Variants in KLF8 observed in about 807,000 individuals in gnomAD.
KLF8 encodes the protein Krueppel-like factor 8.
Under a neutral mutation model 18.2 loss-of-function variants are expected in KLF8, and 10 were observed. That is an observed-to-expected ratio of 0.55 (90% CI 0.34 to 0.93). The LOEUF (loss-of-function observed/expected upper bound fraction) is 0.93, where lower values mean the gene tolerates loss of function less well. Among genes scored for constraint, KLF8 ranks in the 40% least tolerant of loss-of-function variants. The probability of loss-of-function intolerance (pLI) is 0.02; values close to 1 mark genes in which losing one functional copy is unlikely to be tolerated. For missense variants in KLF8, 264 were observed against 277.9 expected (o/e 0.95, Z 0.36); for synonymous variants, 109 against 97.3 (o/e 1.12, Z -0.71).
chrX:56,076,013 G>C, the KLF8 span, among the ~76,000 whole-genome samples: 1 of 102,915 alleles, frequency 9.7e-6, no homozygotes, highest in Non-Finnish European at 2.0e-5. Flanking sequence ...CTATGTCCAT[G>C]TGTTCTCATT....
chrX:56,001,816 T>C, the KLF8 span, among the ~76,000 whole-genome samples: 1 of 112,037 alleles, frequency 8.9e-6, no homozygotes, highest in African/African-American at 3.2e-5. Context: ...CATCACTCTT[T>C]TCTTATTGAA....
At chrX:56,186,739 A>C in the KLF8 span, among the ~76,000 whole-genome samples, 1 of 112,066 alleles carries the variant, frequency 8.9e-6, no homozygotes, top group Non-Finnish European at 1.9e-5. Context: ...AAACCACTCA[A>C]CTACATGGAA....
chrX:55,946,505 A>C, the KLF8 span, among the ~76,000 whole-genome samples: 1 of 112,051 alleles, frequency 8.9e-6, no homozygotes, highest in African/African-American at 3.2e-5. Flanking sequence ...TTGTCGACTT[A>C]AACGTTAGAC....
the KLF8 span, among the ~76,000 whole-genome samples, chrX:56,149,925 T>C: frequency 2.7e-5 from 3 of 111,183 alleles, no homozygotes; most frequent in Non-Finnish European, 5.7e-5. Flanking sequence ...TACATTTTTA[T>C]AAACTTTAGA....
chrX:56,018,956 A>T, the KLF8 span, among the ~76,000 whole-genome samples: 39 of 111,429 alleles, frequency 3.5e-4, no homozygotes, highest in African/African-American at 1.2e-3. Context: ...TCTTTTCAAC[A>T]TATTTTTAAG....
chrX:56,020,396 G>A, the KLF8 span, among the ~76,000 whole-genome samples: 7 of 112,288 alleles, frequency 6.2e-5, no homozygotes, highest in African/African-American at 1.9e-4. Context: ...AGGCTTTTGT[G>A]ATAAGTCCAT....
At chrX:56,214,818 C>A in the KLF8 span, among the ~76,000 whole-genome samples, 2 of 112,058 alleles carry the variant, frequency 1.8e-5, no homozygotes, top group Non-Finnish European at 1.9e-5. Flanking sequence ...TACTCAGCAT[C>A]ACAGAGCCAG....
At chrX:56,250,405 G>T (rs2066690754) in intron 2 of KLF8, 101 bp downstream of exon 2, 10 of 620,432 alleles carry the variant, frequency 1.6e-5, no homozygotes, top group Non-Finnish European at 2.6e-5. Flanking sequence ...TCTATAACAT[G>T]TTTGGGGATT....
At chrX:56,250,421 G>A in intron 2 of KLF8, 117 bp downstream of exon 2, 1 of 538,997 alleles carries the variant, frequency 1.9e-6, no homozygotes, top group Non-Finnish European at 3.1e-6. Context: ...GGATTGAGAA[G>A]AGGTGAAGGA....
chrX:56,049,477 G>A, the KLF8 span, among the ~76,000 whole-genome samples: 5 of 109,672 alleles, frequency 4.6e-5, no homozygotes, highest in African/African-American at 1.0e-4. Flanking sequence ...TTAGCATGAA[G>A]GGTTGTTGAA....
rs1265071049 is a variant in KLF8 at position 56,286,726 on chromosome X, A to T, written c.*2232A>T. 1 of 112,226 alleles carries T rather than the reference A, an allele frequency of 8.9e-6. No homozygotes were observed. Among genetic ancestry groups the T allele is most frequent in the Non-Finnish European group, 1.9e-5 (1 of 53,265 alleles). The allele number at this position is 112,226 out of a possible 1,213,427, so 9.2% of individuals were successfully genotyped here. On this transcript the variant is annotated 3_prime_UTR_variant, in exon 6 of 6. Coordinates refer to ENST00000468660, the MANE Select transcript of KLF8 (RefSeq NM_007250.5). The stretch of plus-strand genomic sequence containing the variant: ...AATCCAAGAACTGCCTGTAGTTTTC[A>T]AAATGACATGTGGGTTTTTACTGTT...
chrX:56,184,120 A>G, the KLF8 span, among the ~76,000 whole-genome samples: 1 of 112,401 alleles, frequency 8.9e-6, no homozygotes. Flanking sequence ...TTTCCTAGTC[A>G]AAGAAAGGGG....
At chrX:56,266,215 A>G (rs1229713148) in intron 3 of KLF8, 1 of 754,311 alleles carries the variant, frequency 1.3e-6, no homozygotes, top group Non-Finnish European at 1.6e-6. Flanking sequence ...CAATATTTCT[A>G]TCTCAAACAT....
the KLF8 span, among the ~76,000 whole-genome samples, chrX:56,071,863 AT>A: frequency 8.9e-6 from 1 of 111,896 alleles, no homozygotes; most frequent in Non-Finnish European, 1.9e-5. Context: ...TGGAGATATC[AT>A]TTGAGTAGTA....
the KLF8 span, among the ~76,000 whole-genome samples, chrX:55,945,425 G>A: frequency 1.8e-5 from 2 of 111,352 alleles, no homozygotes; most frequent in Admixed American, 9.6e-5. Flanking sequence ...AATGTTGACA[G>A]TGGGGTGTTA....
the KLF8 span, among the ~76,000 whole-genome samples, chrX:56,159,632 A>C: frequency 2.7e-5 from 3 of 112,443 alleles, no homozygotes; most frequent in African/African-American, 9.7e-5. Flanking sequence ...GTATGTGTTG[A>C]GGAATTTATC....
the KLF8 span, among the ~76,000 whole-genome samples, chrX:56,214,533 G>C: frequency 8.9e-6 from 1 of 112,239 alleles, no homozygotes; most frequent in African/African-American, 3.2e-5. Flanking sequence ...AAGGTGATGA[G>C]GGTGGATGAA....
At chrX:56,116,201 G>T in the KLF8 span, among the ~76,000 whole-genome samples, 1 of 112,905 alleles carries the variant, frequency 8.9e-6, no homozygotes, top group Non-Finnish European at 1.9e-5. Context: ...AGAGATCCTG[G>T]CTGCAAGCCT....
the KLF8 span, among the ~76,000 whole-genome samples, chrX:56,081,565 T>G: frequency 8.9e-6 from 1 of 112,184 alleles, no homozygotes; most frequent in Non-Finnish European, 1.9e-5. Context: ...CCTGATTTTA[T>G]TGGGAAACTT....
Sources: allele counts gnomAD v4.1 joint callset (sites outside exome capture counted in the v4.1 genomes callset), GRCh38; gene constraint gnomAD v4.1.1; transcripts MANE v1.5; gene names NCBI Gene and HGNC (gene_info 2026-07-23, HGNC 2026-07-21).